Variants in PWWP2A observed in about 807,000 individuals in gnomAD.
The protein encoded by PWWP2A is PWWP domain containing 2A.
A neutral mutation model predicts 48.5 loss-of-function variants in PWWP2A; 18 were observed. The observed-to-expected ratio is 0.37, with a 90% CI of 0.26 to 0.55. The LOEUF is 0.55. Among genes scored for constraint, PWWP2A ranks in the 20% least tolerant of loss-of-function variants. The pLI is 0.81. For synonymous variants in PWWP2A, 396 were observed against 387.7 expected (o/e 1.02, Z -0.25); for missense variants, 867 against 976.4 (o/e 0.89, Z 1.49).
downstream of PWWP2A, among the ~76,000 whole-genome samples, chr5:160,058,409 CT>C (rs1171929571): frequency 0.049 from 6,313 of 129,718 alleles, 96 homozygotes; most frequent in Middle Eastern, 0.1. Flanking sequence ...AAGTGTATTT[CT>C]TTTTTTTTTT....
downstream of PWWP2A, chr5:160,089,397 C>T (rs4590210): frequency 5.1e-6 from 2 of 389,872 alleles, no homozygotes; most frequent in Non-Finnish European, 8.5e-6. Context: ...GAGATGGCAG[C>T]GGGGACGGGG....
intron 2 of PWWP2A, among the ~76,000 whole-genome samples, chr5:160,069,427 C>T (rs924028063): frequency 7.9e-5 from 12 of 152,154 alleles, no homozygotes; most frequent in Non-Finnish European, 8.8e-5. Flanking sequence ...GCCACCTCAC[C>T]CTGGAGTTTC....
chr5:160,049,177 G>T, the PWWP2A span, among the ~76,000 whole-genome samples: 2 of 152,278 alleles, frequency 1.3e-5, no homozygotes, highest in Middle Eastern at 3.4e-3. Flanking sequence ...AATATTTCAT[G>T]ATAATGTGAA....
chr5:160,097,830 C>T lies in PWWP2A; in HGVS notation c.585-3765G>A, dbSNP rs1379191482. ...TCCTGGGTTCAAGCTATTCTCATGCCTCAGCCACCTGAGCAGCTAGGATTA... is the reference window on the plus strand; with the variant it reads ...TCCTGGGTTCAAGCTATTCTCATGCTTCAGCCACCTGAGCAGCTAGGATTA... On this transcript the variant is annotated intron_variant, in intron 1 of 1. Transcript: ENST00000307063. Among the ~76,000 whole-genome samples the T allele has an allele frequency of 4.0e-5, 6 of 151,002 alleles. No individual in the cohort carries two copies. The South Asian group carries it at 6.4e-4, about 16-fold the overall frequency.
Position 160,099,426 on chromosome 5 carries a change from A to G in PWWP2A, c.585-5361T>C, listed in dbSNP as rs540590820. 2.0e-5 allele frequency among the ~76,000 whole-genome samples: 3 copies of G among 152,274 alleles called. No individual in the cohort carries two copies. The South Asian group carries it at 6.2e-4, about 32-fold the overall frequency. ...ATTACGGCTTAATTAAAAATACTGC[A>G]ACTGTCTGCAAATCTGCAATTCCTT... On this transcript the variant is annotated intron_variant, in intron 1 of 1. Coordinates refer to ENST00000307063, the MANE Select transcript of PWWP2A (RefSeq NM_001130864.2).
At chr5:160,071,558 G>A (rs1753739366), downstream of PWWP2A, among the ~76,000 whole-genome samples, 1 of 152,162 alleles carries the variant, frequency 6.6e-6, no homozygotes, top group Admixed American at 6.5e-5. Flanking sequence ...TTAATCTTGG[G>A]AAAGATCTTT....
At chr5:160,101,499 G>A (rs1178334687) in intron 1 of PWWP2A, among the ~76,000 whole-genome samples, 1 of 152,176 alleles carries the variant, frequency 6.6e-6, no homozygotes, top group Non-Finnish European at 1.5e-5. Context: ...TAGAATGGTT[G>A]ACAGCAGGTG....
the PWWP2A span, chr5:160,049,397 G>C: frequency 1.0e-6 from 1 of 998,752 alleles, no homozygotes; most frequent in Admixed American, 3.3e-5. Context: ...GTATACACTT[G>C]GCAAATGACT....
intron 2 of PWWP2A, among the ~76,000 whole-genome samples, chr5:160,085,610 A>C (rs1343793240): frequency 6.8e-6 from 1 of 146,208 alleles, no homozygotes; most frequent in East Asian, 2.0e-4. Flanking sequence ...GGGTTCAAGC[A>C]ATTCTCTTGC....
At chr5:160,088,222 T>C (rs1249261336), downstream of PWWP2A, among the ~76,000 whole-genome samples, 2 of 152,000 alleles carry the variant, frequency 1.3e-5, no homozygotes. Context: ...GTCCGGCATG[T>C]TTTTTGTTTT....
At position 160,093,407 on chromosome 5, in the gene PWWP2A, T is replaced by C; in HGVS notation, c.1243A>G (p.Lys415Glu). 1.2e-6 allele frequency: 2 copies of C among 1,613,792 alleles called. No homozygotes were observed. The highest frequency in any genetic ancestry group is 1.7e-6 in the Non-Finnish European group (2 of 1,179,836). ...ATGTTCTTACTCTGGAGAACTTTTT[T>C]AGTACTTAACTGAGCTTTTGATGTA... is the stretch of plus-strand genomic sequence containing the variant. ...ANTSKAQLSTKKVLQSKNMDH... is the reference protein window; with the variant it reads ...ANTSKAQLSTEKVLQSKNMDH... The change falls in exon 2 of 2, where the codon AAA becomes GAA. Residue 415 changes from lysine (K) to glutamate (E), a missense_variant. By Grantham distance (56) the Lys-to-Glu change is moderately conservative (BLOSUM62 1). This residue lies in a region of PWWP2A where 382 missense variants were observed against 407.2 expected (regional missense o/e 0.94). Transcript: ENST00000307063. This position sits in a 1 kb window ranked among gnomAD's most constrained non-coding sequence, Gnocchi z 5.8.
chr5:160,115,778 G>A (rs148563441), intron 1 of PWWP2A, among the ~76,000 whole-genome samples: 100 of 151,808 alleles, frequency 6.6e-4, no homozygotes, highest in African/African-American at 2.2e-3. Flanking sequence ...GTGGAAGAAC[G>A]CAGTGAGCTA....
At chr5:160,113,234 T>G in intron 1 of PWWP2A, 3 of 983,242 alleles carry the variant, frequency 3.1e-6, no homozygotes, top group Non-Finnish European at 3.6e-6. Flanking sequence ...TACCACTTTC[T>G]TTTCTTTCTT....
At chr5:160,045,491 C>T in the PWWP2A span, among the ~76,000 whole-genome samples, 140 of 121,124 alleles carry the variant, frequency 1.2e-3, no homozygotes, top group South Asian at 3.2e-3. Context: ...CACACACACA[C>T]ACACACACAC....
At chr5:160,105,404 G>A (rs895201776) in intron 1 of PWWP2A, among the ~76,000 whole-genome samples, 2 of 151,794 alleles carry the variant, frequency 1.3e-5, no homozygotes, top group African/African-American at 4.8e-5. Flanking sequence ...CGGGCACGGA[G>A]GCACACGCCT....
downstream of PWWP2A, among the ~76,000 whole-genome samples, chr5:160,059,754 T>C (rs1757650251): frequency 6.6e-6 from 1 of 152,186 alleles, no homozygotes; most frequent in Non-Finnish European, 1.5e-5. Flanking sequence ...CACCCCAAAA[T>C]AATTAAATAG....
Position 160,093,535 on chromosome 5 carries a change from T to A in PWWP2A, c.1115A>T (p.Asp372Val), listed in dbSNP as rs760606989. ...CTGGCTTTCATTTTGGTTTTTCCCA[T>A]CCACTTTATGGTCAGTTTTCAGTTT... ...NKKLKTDHKV[D>V]GKNQNESQKR... The change falls in exon 2 of 2, where the codon GAT (aspartate) becomes GTT (valine). Residue 372 changes from aspartate to valine, a missense_variant. Asp to Val is a radical substitution (Grantham distance 152, BLOSUM62 -3). Around this residue, in one of 4 missense-constraint regions of PWWP2A, gnomAD observed 382 missense variants for 407.2 expected, o/e 0.94. Coordinates refer to ENST00000307063, the MANE Select transcript of PWWP2A (RefSeq NM_001130864.2). The surrounding 1 kb of genome is among the most constrained non-coding windows in gnomAD (Gnocchi z 5.8). 6.2e-7 allele frequency: 1 copy of A among 1,613,872 alleles called. No individual in the cohort carries two copies. Among genetic ancestry groups the A allele is most frequent in the East Asian group, 2.2e-5 (1 of 44,880 alleles).
intron 1 of PWWP2A, among the ~76,000 whole-genome samples, chr5:160,100,079 T>C (rs967515465): frequency 6.6e-6 from 1 of 151,634 alleles, no homozygotes; most frequent in Non-Finnish European, 1.5e-5. Flanking sequence ...GGCAGGCGGA[T>C]CACCTGAGGT....
chr5:160,068,134 T>A (rs1753657521), intron 2 of PWWP2A, among the ~76,000 whole-genome samples: 1 of 152,070 alleles, frequency 6.6e-6, no homozygotes, highest in Non-Finnish European at 1.5e-5. Context: ...TGAGCCAAGA[T>A]CATGCCACTG....
Sources: gnomAD v4.1 joint callset for allele counts (sites outside exome capture counted in the v4.1 genomes callset) on GRCh38, gnomAD v4.1.1 for gene constraint, gnomAD v4.1.1 regional missense constraint, Gnocchi (gnomAD v3.1) non-coding constraint, MANE v1.5 for transcripts, NCBI Gene and HGNC (gene_info 2026-07-23, HGNC 2026-07-21) for gene names.